Variants in ZNF507 observed in about 807,000 individuals in gnomAD.
The protein encoded by ZNF507 is zinc finger protein 507.
ZNF507 carries 29 observed loss-of-function variants against 80.0 expected under a neutral mutation model. The observed-to-expected ratio is 0.36, with a 90% CI of 0.27 to 0.49. The LOEUF is 0.49. ZNF507 is among the 20% of genes least tolerant of loss of function. The probability of loss-of-function intolerance (pLI) is 0.98; values close to 1 mark genes in which losing one functional copy is unlikely to be tolerated. For synonymous variants in ZNF507, 462 were observed against 422.5 expected (o/e 1.09, Z -1.15); for missense variants, 1,081 against 1,152.2 (o/e 0.94, Z 0.90).
chr19:32,375,708 C>T (rs1343312990), intron 5 of ZNF507, among the ~76,000 whole-genome samples: 1 of 152,158 alleles, frequency 6.6e-6, no homozygotes, highest in Non-Finnish European at 1.5e-5. Context: ...CTGGATGGTA[C>T]GGATTCATCA....
rs140185370 is a variant in ZNF507 at position 32,346,262 on chromosome 19, C to G, written c.-97+479C>G. Among the ~76,000 whole-genome samples the G allele has an allele frequency of 4.3e-3, 651 of 152,242 alleles. 5 individuals are homozygous for G. The highest frequency in any genetic ancestry group is 0.015 in the African/African-American group (635 of 41,524). Reference sequence around the variant, plus strand: ...CCTGGTCTTCTGCATTTATTACCATCCTCTGGAGATAGAATGATGTCTCCA... The same window carrying G: ...CCTGGTCTTCTGCATTTATTACCATGCTCTGGAGATAGAATGATGTCTCCA... On this transcript the variant is annotated intron_variant, in intron 1 of 6. Coordinates refer to ENST00000355898, the MANE Select transcript of ZNF507 (RefSeq NM_001136156.2).
intron 5 of ZNF507, among the ~76,000 whole-genome samples, chr19:32,378,650 T>TTA (rs1491557637): frequency 5.3e-5 from 6 of 113,026 alleles, no homozygotes; most frequent in African/African-American, 2.1e-4. Flanking sequence ...TTTTTTTTTT[T>TTA]AAAAAAAAAA....
intron 2 of ZNF507, among the ~76,000 whole-genome samples, chr19:32,350,377 A>G (rs1466858896): frequency 6.6e-6 from 1 of 152,198 alleles, no homozygotes; most frequent in East Asian, 1.9e-4. Context: ...TTAAAATGAG[A>G]TACTTACATA....
chr19:32,356,989 A>G (rs1192249980), intron 4 of ZNF507: 2 of 342,906 alleles, frequency 5.8e-6, no homozygotes, highest in Non-Finnish European at 1.1e-5. Context: ...GCCCCTTAGA[A>G]GGTGATGTAC....
intron 5 of ZNF507, among the ~76,000 whole-genome samples, chr19:32,369,630 T>C (rs1285295684): frequency 6.6e-6 from 1 of 152,204 alleles, no homozygotes; most frequent in Non-Finnish European, 1.5e-5. Flanking sequence ...ACTTTCTTTT[T>C]TTTTTGTTTT....
chr19:32,380,339 G>A (rs1967607251), intron 5 of ZNF507, among the ~76,000 whole-genome samples: 1 of 151,920 alleles, frequency 6.6e-6, no homozygotes, highest in Non-Finnish European at 1.5e-5. Flanking sequence ...CTGGGCAACA[G>A]AGCAAGACCC....
rs1568311061 is a variant in ZNF507, at chr19:32,382,741, GACTC to G, written c.2522_2525del (p.Thr841AsnfsTer2). The G allele has an allele frequency of 6.2e-7, 1 of 1,612,994 alleles. No homozygotes were observed. Among genetic ancestry groups the G allele is most frequent in the Non-Finnish European group, 8.5e-7 (1 of 1,179,426 alleles). ...GAGTTCTGGGGAAATCCCCTGGAAA[GACTC>G]AATTAAAGAGCAGTGAAGAGAGTGC... is the stretch of plus-strand genomic sequence containing the variant. On this transcript the variant is annotated frameshift_variant, in exon 7 of 7. Coordinates refer to ENST00000355898, the MANE Select transcript of ZNF507 (RefSeq NM_001136156.2). LOFTEE classifies it low-confidence loss of function (END_TRUNC).
intron 5 of ZNF507, among the ~76,000 whole-genome samples, chr19:32,381,816 C>G (rs1967626860): frequency 1.3e-5 from 2 of 152,106 alleles, no homozygotes; most frequent in Non-Finnish European, 2.9e-5. Flanking sequence ...TCTATCTGAC[C>G]AGTTTTTTCT....
At chr19:32,359,351 T>C (rs1967291379) in intron 4 of ZNF507, 3 of 152,230 alleles carry the variant, frequency 2.0e-5, no homozygotes, top group African/African-American at 7.2e-5. Flanking sequence ...GAAATTTCAG[T>C]GTGGGTTTTC....
intron 5 of ZNF507, among the ~76,000 whole-genome samples, chr19:32,361,784 CTCCTTCCTTCCTTTCCTTCCTTCGTT>C (rs1967330646): frequency 7.1e-6 from 1 of 141,368 alleles, no homozygotes; most frequent in African/African-American, 2.7e-5. Flanking sequence ...CTCTCCCTCC[CTCCTTCCTTCCTTTCCTTCCTTCGTT>C]TCCTTCCTTC....
At chr19:32,365,302 C>G (rs1281816063) in intron 5 of ZNF507, among the ~76,000 whole-genome samples, 1 of 152,180 alleles carries the variant, frequency 6.6e-6, no homozygotes, top group African/African-American at 2.4e-5. Flanking sequence ...TCTGTGTACT[C>G]TGCTGACTGT....
At position 32,386,456 on chromosome 19, in the gene ZNF507, TGATATTC is replaced by T. The variant is rs747188823; in HGVS notation, c.*3374_*3380del. The T allele has an allele frequency of 1.3e-5, 2 of 152,658 alleles. No homozygotes were observed. Among genetic ancestry groups the T allele is most frequent in the African/African-American group, 2.4e-5 (1 of 41,468 alleles). The allele number at this position is 152,658 out of a possible 1,614,324, so 9.5% of individuals were successfully genotyped here. A position where few individuals can be genotyped will look rare whatever the true frequency, so the allele number is the denominator to read the frequency against. ...AATATATTTAATAGAAATTTGCGTT[TGATATTC>T]ATGAACATGAATACATGTATTTTTT... On this transcript the variant is annotated 3_prime_UTR_variant, in exon 7 of 7. Coordinates refer to ENST00000355898, the MANE Select transcript of ZNF507 (RefSeq NM_001136156.2).
chr19:32,365,222 A>G (rs1379114337), intron 5 of ZNF507, among the ~76,000 whole-genome samples: 1 of 151,998 alleles, frequency 6.6e-6, no homozygotes, highest in African/African-American at 2.4e-5. Context: ...GTTTGAGTTC[A>G]TTGTAGATTC....
chr19:32,350,124 T>C (rs1473505778), intron 2 of ZNF507, among the ~76,000 whole-genome samples: 1 of 152,038 alleles, frequency 6.6e-6, no homozygotes, highest in Non-Finnish European at 1.5e-5. Context: ...AAGTAACATT[T>C]TTGTGAAAAT....
rs1189291146 is a variant in ZNF507, at chr19:32,352,928, T to G, written c.98T>G (p.Ile33Ser). ...AGTATCATCAGTCCTTCATTGGAAA[T>G]TGATGAACAAAGAAAAACTAAACCA... is the stretch of plus-strand genomic sequence containing the variant. ...AESIISPSLE[I>S]DEQRKTKPDP... Residue 33 changes from isoleucine (I) to serine (S), a missense_variant, in exon 3 of 7, where the codon ATT becomes AGT. Physicochemically the swap from Ile to Ser is moderately radical, Grantham distance 142 (BLOSUM62 -2). This residue lies in a region of ZNF507 where 275 missense variants were observed against 303.9 expected (regional missense o/e 0.90). Transcript: ENST00000355898. 1 of 1,613,994 alleles carries G rather than the reference T, an allele frequency of 6.2e-7. No individual in the cohort carries two copies. The highest frequency in any genetic ancestry group is 8.5e-7 in the Non-Finnish European group (1 of 1,180,020).
intron 4 of ZNF507, among the ~76,000 whole-genome samples, chr19:32,359,947 C>G (rs928275746): frequency 9.9e-5 from 15 of 152,034 alleles, no homozygotes; most frequent in Non-Finnish European, 1.8e-4. Context: ...AGGCTGGTCT[C>G]CAGCTCCTGG....
Position 32,387,502 on chromosome 19 carries a change from A to G in ZNF507, c.*4419A>G, listed in dbSNP as rs1434135860. On this transcript the variant is annotated 3_prime_UTR_variant, in exon 7 of 7. Coordinates refer to ENST00000355898, the MANE Select transcript of ZNF507 (RefSeq NM_001136156.2). ...TCCAAATTAAAGAATCCGAGCATGG[A>G]AGCTCTAGAACGTATGGTCCAGTGT... 2 of 152,204 alleles carry G rather than the reference A, an allele frequency of 1.3e-5. No individual in the cohort carries two copies. The highest frequency in any genetic ancestry group is 2.9e-5 in the Non-Finnish European group (2 of 68,032). The allele number at this position is 152,204 out of a possible 1,614,324, so 9.4% of individuals were successfully genotyped here.
At chr19:32,350,605 C>G (rs1967150171) in intron 2 of ZNF507, among the ~76,000 whole-genome samples, 2 of 152,116 alleles carry the variant, frequency 1.3e-5, no homozygotes, top group Non-Finnish European at 1.5e-5. Context: ...TGTGTCACTT[C>G]TCTTATTAAG....
At chr19:32,368,429 G>C (rs920285581) in intron 5 of ZNF507, among the ~76,000 whole-genome samples, 1 of 152,260 alleles carries the variant, frequency 6.6e-6, no homozygotes, top group Middle Eastern at 3.4e-3. Context: ...TTGCAGGTCT[G>C]CTAGTCCCCA....
Sources: allele counts gnomAD v4.1 joint callset (sites outside exome capture counted in the v4.1 genomes callset), GRCh38; gene constraint gnomAD v4.1.1; regional missense constraint gnomAD v4.1.1; transcripts MANE v1.5; gene names NCBI Gene and HGNC (gene_info 2026-07-23, HGNC 2026-07-21).